The following ZNF141 variants were observed in gnomAD, a reference collection of about 807,000 sequenced individuals.
The protein encoded by ZNF141 is zinc finger protein 141 (clone pHZ-44).
In ZNF141, 7 loss-of-function variants were observed where a neutral mutation model predicts 11.3. The ratio of observed to expected loss-of-function variants is 0.62; its 90% CI spans 0.35 to 1.16. The LOEUF (loss-of-function observed/expected upper bound fraction) is 1.16. Among genes scored for constraint, ZNF141 ranks in the 50% most tolerant of loss-of-function variants. The pLI, the probability that ZNF141 is intolerant of heterozygous loss-of-function variation, is 0.02. For missense variants in ZNF141, 535 were observed against 554.0 expected (o/e 0.97, Z 0.34); for synonymous variants, 183 against 190.7 (o/e 0.96, Z 0.33).
chr4:379,924 T>C lies in ZNF141; in HGVS notation c.*6062T>C, dbSNP rs1712538693. ...ACTTTTGGGATAAGAGCTCATAACA[T>C]TGACTGTGTTAGCATTTTCCAAAAA... On this transcript the variant is annotated 3_prime_UTR_variant, in exon 4 of 4. Coordinates refer to ENST00000240499, the MANE Select transcript of ZNF141 (RefSeq NM_003441.4). 6.6e-6 allele frequency among the ~76,000 whole-genome samples: 1 copy of C among 152,220 alleles called. No homozygotes were observed. The highest frequency in any genetic ancestry group is 1.5e-5 in the Non-Finnish European group (1 of 68,030).
Position 380,675 on chromosome 4 carries a change from A to G in ZNF141, c.*6813A>G, listed in dbSNP as rs1712571725. Among the ~76,000 whole-genome samples the G allele has an allele frequency of 6.6e-6, 1 of 151,740 alleles. No homozygotes were observed. The highest frequency in any genetic ancestry group is 1.5e-5 in the Non-Finnish European group (1 of 67,978). ...CCCCCCTGCCCAAAAAAAAAAATTAATTTTCACAGAAAATTAATAGCATAG... is the reference window on the plus strand; with the variant it reads ...CCCCCCTGCCCAAAAAAAAAAATTAGTTTTCACAGAAAATTAATAGCATAG... On this transcript the variant is annotated 3_prime_UTR_variant, in exon 4 of 4. Transcript: ENST00000240499.
At chr4:362,833 T>G (rs1302977264) in intron 3 of ZNF141, among the ~76,000 whole-genome samples, 1 of 152,232 alleles carries the variant, frequency 6.6e-6, no homozygotes, top group Non-Finnish European at 1.5e-5. Context: ...CTTTGTTCTT[T>G]TGGCTTAGGA....
Position 337,884 on chromosome 4 carries a change from G to C in ZNF141, c.-100G>C. The stretch of plus-strand genomic sequence containing the variant: ...CTCTCTGCGTTCTCAGTTGTGGGAG[G>C]CCTTGGTGATTCGGCCACAGCTCAG... On this transcript the variant is annotated 5_prime_UTR_variant, in exon 1 of 4. Transcript: ENST00000240499. 7.1e-7 allele frequency: 1 copy of C among 1,412,166 alleles called. No individual in the cohort carries two copies. The allele number at this position is 1,412,166 out of a possible 1,614,324, so 87.5% of individuals were successfully genotyped here. A position where few individuals can be genotyped will look rare whatever the true frequency, so the allele number is the denominator to read the frequency against.
Position 380,711 on chromosome 4 carries a change from C to T in ZNF141, c.*6849C>T, listed in dbSNP as rs1366848692. On this transcript the variant is annotated 3_prime_UTR_variant, in exon 4 of 4. Transcript: ENST00000240499. ...AAATTAATAGCATAGGTATTATTAT[C>T]CTCATTTTACAGAGAAAGAAACAGC... Among the ~76,000 whole-genome samples, 2 of 151,954 alleles carry T rather than the reference C, an allele frequency of 1.3e-5. No homozygotes were observed. Among genetic ancestry groups the T allele is most frequent in the African/African-American group, 4.8e-5 (2 of 41,332 alleles).
In ZNF141 at chr4:382,053, C is replaced by G. The variant is rs370898368; in HGVS notation, c.*8191C>G. Among the ~76,000 whole-genome samples, 23 of 150,634 alleles carry G rather than the reference C, an allele frequency of 1.5e-4. No individual in the cohort carries two copies. The highest frequency in any genetic ancestry group is 1.4e-3 in the East Asian group (7 of 5,048). On this transcript the variant is annotated 3_prime_UTR_variant, in exon 4 of 4. Transcript: ENST00000240499. ...CTCCACCTCCCAGGTTCACGCCATTCTCCTGCCTCAGCCTCCCAAGTAGCT... is the reference window on the plus strand; with the variant it reads ...CTCCACCTCCCAGGTTCACGCCATTGTCCTGCCTCAGCCTCCCAAGTAGCT...
rs868964084 is a variant in ZNF141, at chr4:355,216, G to C, written c.226+10786G>C. On this transcript the variant is annotated intron_variant, in intron 3 of 3. Coordinates refer to ENST00000240499, the MANE Select transcript of ZNF141 (RefSeq NM_003441.4). Reference sequence around the variant, plus strand: ...ATTTATTTATTTATTTTTTGAGACAGTCTCACTCCGTCACCCAGGCTGGAG... The same window carrying C: ...ATTTATTTATTTATTTTTTGAGACACTCTCACTCCGTCACCCAGGCTGGAG... Among the ~76,000 whole-genome samples, 9 of 151,196 alleles carry C rather than the reference G, an allele frequency of 6.0e-5. No homozygotes were observed. The South Asian group carries it at 1.9e-3, about 32-fold the overall frequency.
At chr4:350,080 G>T in intron 3 of ZNF141, 1 of 515,518 alleles carries the variant, frequency 1.9e-6, no homozygotes, top group Non-Finnish European at 4.0e-6. Flanking sequence ...CTCCCTGCAG[G>T]TCTCTTGATG....
rs191306610 is a variant in ZNF141 at position 365,655 on chromosome 4, A to G, written c.227-7009A>G. Among the ~76,000 whole-genome samples the G allele has an allele frequency of 3.3e-4, 50 of 152,218 alleles. No individual in the cohort carries two copies. In the East Asian group the frequency reaches 4.4e-3, roughly 14 times the overall value. On this transcript the variant is annotated intron_variant, in intron 3 of 3. Transcript: ENST00000240499. ...AACATTTTTAGTTTGTTGTAATCCC[A>G]TTTGCATAATGTTACTTCTTTTGCC...
At chr4:341,601 G>A (rs1553848476) in intron 1 of ZNF141, among the ~76,000 whole-genome samples, 3 of 152,268 alleles carry the variant, frequency 2.0e-5, no homozygotes, top group African/African-American at 7.2e-5. Context: ...CTCTTGGGCA[G>A]GCTTAGAAAA....
intron 3 of ZNF141, chr4:350,025 C>T (rs1298125573): frequency 1.4e-5 from 6 of 444,380 alleles, no homozygotes; most frequent in Admixed American, 1.2e-4. Flanking sequence ...ACAGCTGAGG[C>T]CAGGATATAC....
rs1210100294 is a variant in ZNF141 at position 373,718 on chromosome 4, A to G, written c.1281A>G (p.Glu427=). The G allele has an allele frequency of 1.2e-6, 2 of 1,614,152 alleles. No individual in the cohort carries two copies. The highest frequency in any genetic ancestry group is 4.5e-5 in the East Asian group (2 of 44,892). ...HSADKPYKCK[E]CDKAFKQFSL... ...CAGATAAACCCTACAAATGTAAAGAATGTGACAAAGCCTTTAAACAATTTT... is the reference window on the plus strand; with the variant it reads ...CAGATAAACCCTACAAATGTAAAGAGTGTGACAAAGCCTTTAAACAATTTT... The change falls in exon 4 of 4, where the codon GAA becomes GAG. Residue 427 remains glutamate (E), a synonymous_variant. Transcript: ENST00000240499.
chr4:342,429 A>G (rs935975321), intron 1 of ZNF141, among the ~76,000 whole-genome samples: 9 of 152,190 alleles, frequency 5.9e-5, no homozygotes, highest in African/African-American at 2.2e-4. Context: ...GTGTTGGGGT[A>G]AGGGACTCTG....
chr4:341,452 A>G (rs1721046963), intron 1 of ZNF141, among the ~76,000 whole-genome samples: 1 of 152,234 alleles, frequency 6.6e-6, no homozygotes, highest in Non-Finnish European at 1.5e-5. Context: ...CTTGCTAAGA[A>G]TAAATATTTA....
Position 377,748 on chromosome 4 carries a change from AGT to A in ZNF141, c.*3891_*3892del, listed in dbSNP as rs1217611090. On this transcript the variant is annotated 3_prime_UTR_variant, in exon 4 of 4. Coordinates refer to ENST00000240499, the MANE Select transcript of ZNF141 (RefSeq NM_003441.4). Reference sequence around the variant, plus strand: ...AAAATTGTATGAGATTCTATCATAAAGTGTGTAAAATGTAACAAAAGTTAGAA... The same window carrying A: ...AAAATTGTATGAGATTCTATCATAAAGTGTAAAATGTAACAAAAGTTAGAA... Among the ~76,000 whole-genome samples the A allele has an allele frequency of 4.6e-5, 7 of 152,260 alleles. No homozygotes were observed. The highest frequency in any genetic ancestry group is 7.3e-5 in the Non-Finnish European group (5 of 68,038).
chr4:369,341 A>G (rs61613542), intron 3 of ZNF141, among the ~76,000 whole-genome samples: 25,198 of 151,988 alleles, frequency 0.17, 2,827 homozygotes, highest in African/African-American at 0.32. Context: ...TGTGTTATAT[A>G]ACTTGGACCT....
chr4:357,619 C>T (rs568743266), intron 3 of ZNF141, among the ~76,000 whole-genome samples: 252 of 151,880 alleles, frequency 1.7e-3, no homozygotes, highest in African/African-American at 5.6e-3. Flanking sequence ...TCTCTGTCTC[C>T]TGAACCTCTT....
In ZNF141 at chr4:384,088, A is replaced by G. The variant is rs1465890490; in HGVS notation, c.*10226A>G. On this transcript the variant is annotated 3_prime_UTR_variant, in exon 4 of 4. Coordinates refer to ENST00000240499, the MANE Select transcript of ZNF141 (RefSeq NM_003441.4). Reference sequence around the variant, plus strand: ...CTTCTGGTAACAGAAGTGCAGGTATATGTGGATGCATGTGATTGGTACTTA... The same window carrying G: ...CTTCTGGTAACAGAAGTGCAGGTATGTGTGGATGCATGTGATTGGTACTTA... The G allele has an allele frequency of 2.6e-5, 4 of 152,212 alleles. No individual in the cohort carries two copies. The highest frequency in any genetic ancestry group is 9.6e-5 in the African/African-American group (4 of 41,454). The allele number at this position is 152,212 out of a possible 1,614,324, so 9.4% of individuals were successfully genotyped here.
At chr4:342,821 C>A in intron 1 of ZNF141, 1 of 1,606,654 alleles carries the variant, frequency 6.2e-7, no homozygotes, top group Non-Finnish European at 8.5e-7. Flanking sequence ...AAAATTCAAA[C>A]AGGTCCCCGA....
chr4:353,373 T>TAAAAAA (rs368418265), intron 3 of ZNF141, among the ~76,000 whole-genome samples: 2 of 139,654 alleles, frequency 1.4e-5, no homozygotes, highest in African/African-American at 2.6e-5. Context: ...AGACCCTGTC[T>TAAAAAA]AAAAAAAAAA....
Sources: allele counts gnomAD v4.1 joint callset (sites outside exome capture counted in the v4.1 genomes callset), GRCh38; gene constraint gnomAD v4.1.1; transcripts MANE v1.5; gene names NCBI Gene and HGNC (gene_info 2026-07-23, HGNC 2026-07-21).